The following LZTR1 variants were observed in gnomAD, a reference collection of about 807,000 sequenced individuals.
The protein encoded by LZTR1 is leucine-zipper-like transcriptional regulator 1.
A neutral mutation model predicts 105.7 loss-of-function variants in LZTR1; 260 were observed. That is an observed-to-expected ratio of 2.46 (90% CI 2.22 to 2.72). The LOEUF is 2.72. Among genes scored for constraint, LZTR1 ranks in the 30% most tolerant of loss-of-function variants. The pLI, the probability that LZTR1 is intolerant of heterozygous loss-of-function variation, is 0.00. For synonymous variants in LZTR1, 490 were observed against 476.4 expected, an observed-to-expected ratio of 1.03 and a Z score of -0.37; for missense variants, 1,214 against 1,166.9, an observed-to-expected ratio of 1.04 and a Z score of -0.59.
rs1201866390 is a variant in LZTR1, at chr22:20,996,019, C to T, written c.2126C>T (p.Ser709Phe). Reference sequence around the variant, plus strand: ...CCCGAAGATGGGCAGGTGAACATCTCCATCGGGGAGATGGTGCCCAGCAGG... The same window carrying T: ...CCCGAAGATGGGCAGGTGAACATCTTCATCGGGGAGATGGTGCCCAGCAGG... ...FMPEDGQVNI[S>F]IGEMVPSRQA... The change falls in exon 18 of 21, where the codon TCC becomes TTC. Residue 709 changes from serine (S) to phenylalanine (F), a missense_variant. Transcript: ENST00000646124. 1 of 1,613,572 alleles carries T rather than the reference C, an allele frequency of 6.2e-7. No individual in the cohort carries two copies. Among genetic ancestry groups the T allele is most frequent in the East Asian group, 2.2e-5 (1 of 44,892 alleles).
At chr22:20,984,071 T>G (rs1029848384) in intron 2 of LZTR1, among the ~76,000 whole-genome samples, 7 of 152,204 alleles carry the variant, frequency 4.6e-5, no homozygotes, top group African/African-American at 1.7e-4. Context: ...GCACTGCCCA[T>G]TCTCTCCTCT....
At chr22:20,986,074 A>G (rs1400288371) in intron 3 of LZTR1, 177 bp downstream of exon 3, 1 of 654,006 alleles carries the variant, frequency 1.5e-6, no homozygotes, top group Non-Finnish European at 2.6e-6. Context: ...CAGGCTGAGG[A>G]GATCAAGTAA....
intron 11 of LZTR1, 133 bp from the exon 12 acceptor site, chr22:20,993,529 A>G: frequency 1.5e-6 from 1 of 686,514 alleles, no homozygotes; most frequent in Non-Finnish European, 2.5e-6. Context: ...TCCTCTCCTC[A>G]GCCAGGCCCA....
intron 3 of LZTR1, chr22:20,986,398 A>G (rs1443741943): frequency 6.6e-6 from 1 of 151,632 alleles, no homozygotes; most frequent in East Asian, 1.9e-4. Context: ...AGATAGATAG[A>G]TAGATAGATA....
In LZTR1 at chr22:20,985,235, T is replaced by C. The variant is rs11090495; in HGVS notation, c.264-606T>C. Among the ~76,000 whole-genome samples, 1,108 of 152,036 alleles carry C rather than the reference T, an allele frequency of 7.3e-3. 14 individuals are homozygous for C. Among genetic ancestry groups the C allele is most frequent in the African/African-American group, 0.026 (1,061 of 41,480 alleles). On this transcript the variant is annotated intron_variant, in intron 2 of 20. Transcript: ENST00000646124. ...ACCATGCCAGGCTAATTTTTTTGTATTTTTAGTAGAGATGGGGTTTCACCA... is the reference window on the plus strand; with the variant it reads ...ACCATGCCAGGCTAATTTTTTTGTACTTTTAGTAGAGATGGGGTTTCACCA...
At chr22:20,985,752 C>T in intron 2 of LZTR1, 89 bp from the exon 3 acceptor site, 1 of 1,272,966 alleles carries the variant, frequency 7.9e-7, no homozygotes, top group Non-Finnish European at 1.1e-6. Flanking sequence ...CAGCCCCCTA[C>T]TCTACCCTGG....
At chr22:20,996,357 G>A (rs375412039) in intron 18 of LZTR1, 187 of 599,360 alleles carry the variant, frequency 3.1e-4, no homozygotes, top group South Asian at 1.4e-3. Flanking sequence ...CCCAGAGGAC[G>A]GGGTGGGTCA....
At position 20,993,204 on chromosome 22, in the gene LZTR1, C is replaced by A. The variant is rs1548414; in HGVS notation, c.1260+300C>A. ...ACAGGCATCATAGCCTGGCCCAGGGCAGAGCCAGGGCCGACAGTGGCTTGC... is the reference window on the plus strand; with the variant it reads ...ACAGGCATCATAGCCTGGCCCAGGGAAGAGCCAGGGCCGACAGTGGCTTGC... On this transcript the variant is annotated intron_variant, in intron 11 of 20. Coordinates refer to ENST00000646124, the MANE Select transcript of LZTR1 (RefSeq NM_006767.4). The A allele has an allele frequency of 3.8e-3, 1,683 of 446,282 alleles. 53 individuals carry two copies. In the South Asian group the frequency reaches 0.047, roughly 13 times the overall value. The allele number at this position is 446,282 out of a possible 1,614,324, so 27.6% of individuals were successfully genotyped here. A position where few individuals can be genotyped will look rare whatever the true frequency, so the allele number is the denominator to read the frequency against.
At chr22:20,995,117 GC>G in intron 16 of LZTR1, 91 bp downstream of exon 16, 1 of 1,443,236 alleles carries the variant, frequency 6.9e-7, no homozygotes, top group Non-Finnish European at 9.4e-7. Context: ...CACCTGCCAG[GC>G]CCTCGGGGTG....
intron 2 of LZTR1, among the ~76,000 whole-genome samples, chr22:20,984,606 A>T (rs1924304898): frequency 1.6e-5 from 1 of 61,464 alleles, no homozygotes; most frequent in African/African-American, 6.0e-5. Context: ...ACGTGGGGCA[A>T]GTAAGGAGGG....
intron 7 of LZTR1, among the ~76,000 whole-genome samples, chr22:20,990,113 T>TA (rs563744807): frequency 4.4e-4 from 67 of 152,048 alleles, no homozygotes; most frequent in African/African-American, 1.3e-3. Context: ...ATTTATTCAT[T>TA]AAAAAAAATT....
At position 20,996,946 on chromosome 22, in the gene LZTR1, A is replaced by G. The variant is rs1407594215; in HGVS notation, c.2386A>G (p.Ile796Val). 4 of 1,613,530 alleles carry G rather than the reference A, an allele frequency of 2.5e-6. No homozygotes were observed. The highest frequency in any genetic ancestry group is 3.4e-6 in the Non-Finnish European group (4 of 1,179,892). Residue 796 changes from isoleucine (I) to valine (V), a missense_variant, in exon 20 of 21, where the codon ATT becomes GTT. By Grantham distance (29) the Ile-to-Val change is conservative. Coordinates refer to ENST00000646124, the MANE Select transcript of LZTR1 (RefSeq NM_006767.4). ...CATGAAGCGGCACTGCCTGCACATC[A>G]TTGTGCACCAGTTCACCAAGGTCAG... is the stretch of plus-strand genomic sequence containing the variant. ...LDMKRHCLHI[I>V]VHQFTKVSKL...
chr22:20,993,598 G>C (rs1264057496), intron 11 of LZTR1, 64 bp from the exon 12 acceptor site: 1 of 1,433,134 alleles, frequency 7.0e-7, no homozygotes, highest in African/African-American at 1.4e-5. Context: ...GGGTCGGCCT[G>C]CACAGCCACA....
intron 4 of LZTR1, 72 bp from the exon 5 acceptor site, chr22:20,987,938 C>A: frequency 1.1e-6 from 1 of 926,352 alleles, no homozygotes; most frequent in Non-Finnish European, 1.7e-6. Flanking sequence ...CCAGATTCTG[C>A]TCCACCTTCC....
chr22:20,989,780 T>C (rs1281733482), intron 7 of LZTR1, 98 bp downstream of exon 7: 13 of 1,229,146 alleles, frequency 1.1e-5, no homozygotes, highest in Non-Finnish European at 1.3e-5. Context: ...GGAGACAGGG[T>C]GCAGGTGGAG....
chr22:20,993,754 G>A lies in LZTR1; in HGVS notation c.1353G>A (p.Glu451=), dbSNP rs1182046872. The change falls in exon 12 of 21, where the codon GAG becomes GAA. Residue 451 remains glutamate (E), a splice_region_variant and synonymous_variant. Coordinates refer to ENST00000646124, the MANE Select transcript of LZTR1 (RefSeq NM_006767.4). ...QFCDVEFVLG[E]KEECVQGHVA... is the part of the protein sequence containing the mutation. ...GCGACGTGGAGTTCGTGCTGGGTGA[G>A]GTGGGTGCCTGTCCTCGCACCCTGC... 3 of 1,612,234 alleles carry A rather than the reference G, an allele frequency of 1.9e-6. No homozygotes were observed. The highest frequency in any genetic ancestry group is 2.5e-6 in the Non-Finnish European group (3 of 1,179,502).
At chr22:20,991,484 G>A in intron 8 of LZTR1, 144 bp from the exon 9 acceptor site, 1 of 659,554 alleles carries the variant, frequency 1.5e-6, no homozygotes, top group Non-Finnish European at 2.6e-6. Context: ...GCTCAGCGCA[G>A]GTGTCTAGGC....
intron 2 of LZTR1, among the ~76,000 whole-genome samples, chr22:20,983,565 G>A (rs1290465264): frequency 1.3e-5 from 2 of 152,238 alleles, no homozygotes; most frequent in African/African-American, 4.8e-5. Flanking sequence ...CTCCACTTAA[G>A]TTGTGGCTGG....
Position 20,991,646 on chromosome 22 carries a change from T to C in LZTR1, c.810T>C (p.Thr270=), listed in dbSNP as rs765611458. Residue 270 remains threonine (T), a synonymous_variant, in exon 9 of 21, where the codon ACT becomes ACC. Coordinates refer to ENST00000646124, the MANE Select transcript of LZTR1 (RefSeq NM_006767.4). ...FKDKTWTRIP[T]EHLLRGSPPP... is the part of the protein sequence containing the mutation. The stretch of plus-strand genomic sequence containing the variant: ...CCCCCAGGTGGACACGCATCCCAAC[T>C]GAACACCTGCTCCGGGGCTCCCCAC... 5.0e-6 allele frequency: 8 copies of C among 1,598,946 alleles called. No individual in the cohort carries two copies. In the African/African-American group the frequency reaches 8.0e-5, roughly 16 times the overall value.
Sources: gnomAD v4.1 joint callset for allele counts (sites outside exome capture counted in the v4.1 genomes callset) on GRCh38, gnomAD v4.1.1 for gene constraint, MANE v1.5 for transcripts, NCBI Gene and HGNC (gene_info 2026-07-23, HGNC 2026-07-21) for gene names.